The following PLXDC2 variants were observed in gnomAD, a reference collection of about 807,000 sequenced individuals.
PLXDC2 encodes plexin domain containing 2, also known as plexin domain-containing protein 2.
PLXDC2 carries 40 observed loss-of-function variants against 68.9 expected under a neutral mutation model. The ratio of observed to expected loss-of-function variants is 0.58; its 90% CI spans 0.45 to 0.76. PLXDC2 has a LOEUF of 0.76. Ranked by LOEUF, PLXDC2 falls within the 30% of genes least tolerant of loss-of-function variation. The pLI, the probability that PLXDC2 is intolerant of heterozygous loss-of-function variation, is 0.00. For synonymous variants in PLXDC2, 243 were observed against 234.2 expected, an observed-to-expected ratio of 1.04 and a Z score of -0.34; for missense variants, 644 against 661.9, an observed-to-expected ratio of 0.97 and a Z score of 0.30.
At chr10:20,233,828 T>G (rs529109702) in intron 12 of PLXDC2, among the ~76,000 whole-genome samples, 18 of 152,250 alleles carry the variant, frequency 1.2e-4, no homozygotes, top group African/African-American at 3.9e-4. Flanking sequence ...TTTATTTATT[T>G]TTTTTAGAGG....
chr10:20,132,365 G>T (rs973947937), intron 4 of PLXDC2, among the ~76,000 whole-genome samples: 1 of 152,008 alleles, frequency 6.6e-6, no homozygotes, highest in East Asian at 1.9e-4. Flanking sequence ...AATTCATTTG[G>T]TCTTCAGTCT....
At chr10:20,241,839 G>A (rs1251187896) in intron 12 of PLXDC2, among the ~76,000 whole-genome samples, 1 of 152,148 alleles carries the variant, frequency 6.6e-6, no homozygotes, top group African/African-American at 2.4e-5. Flanking sequence ...AACTTGGCAT[G>A]CTGTGTATAA....
intron 3 of PLXDC2, among the ~76,000 whole-genome samples, chr10:20,049,083 C>A (rs1298753456): frequency 6.6e-6 from 1 of 151,882 alleles, no homozygotes; most frequent in African/African-American, 2.4e-5. Context: ...TCTTGGTTAC[C>A]CATGAGTATT....
intron 12 of PLXDC2, among the ~76,000 whole-genome samples, chr10:20,233,402 C>T (rs926135263): frequency 6.6e-6 from 1 of 151,720 alleles, no homozygotes; most frequent in Non-Finnish European, 1.5e-5. Context: ...GGGTGCACAA[C>T]TTCCCATGTA....
At chr10:20,137,543 A>T (rs1023240084) in intron 4 of PLXDC2, among the ~76,000 whole-genome samples, 1 of 152,232 alleles carries the variant, frequency 6.6e-6, no homozygotes, top group Non-Finnish European at 1.5e-5. Context: ...GTATTACACT[A>T]AAAGTAGCAT....
At chr10:19,842,922 TA>T (rs1339390670) in intron 1 of PLXDC2, among the ~76,000 whole-genome samples, 2 of 152,176 alleles carry the variant, frequency 1.3e-5, no homozygotes, top group African/African-American at 4.8e-5. Flanking sequence ...CAGGAGTAAC[TA>T]AAAAAAGCAG....
chr10:20,023,435 T>G (rs1187821554), intron 2 of PLXDC2, among the ~76,000 whole-genome samples: 4 of 152,124 alleles, frequency 2.6e-5, no homozygotes, highest in Admixed American at 2.0e-4. Context: ...TGTTGGGAGG[T>G]GGGGCCTAAT....
intron 1 of PLXDC2, among the ~76,000 whole-genome samples, chr10:19,931,904 A>G (rs993941387): frequency 1.3e-4 from 19 of 151,992 alleles, no homozygotes; most frequent in African/African-American, 4.6e-4. Flanking sequence ...CAGGAAATAT[A>G]CTTAATGAAG....
chr10:20,253,941 C>T (rs1835710808), intron 13 of PLXDC2, among the ~76,000 whole-genome samples: 1 of 152,096 alleles, frequency 6.6e-6, no homozygotes, highest in Non-Finnish European at 1.5e-5. Flanking sequence ...GACCTCTGTT[C>T]CTGAAACCTG....
chr10:19,847,601 G>A (rs1837032183), intron 1 of PLXDC2, among the ~76,000 whole-genome samples: 1 of 152,150 alleles, frequency 6.6e-6, no homozygotes, highest in African/African-American at 2.4e-5. Flanking sequence ...AAGCCTCCGG[G>A]AAATTCCATA....
At chr10:20,082,396 T>C (rs1836584198) in intron 4 of PLXDC2, among the ~76,000 whole-genome samples, 1 of 152,050 alleles carries the variant, frequency 6.6e-6, no homozygotes, top group African/African-American at 2.4e-5. Context: ...TTTGCAACTT[T>C]CTGTACATGT....
At chr10:19,934,674 A>G (rs1304766487) in intron 1 of PLXDC2, among the ~76,000 whole-genome samples, 1 of 152,162 alleles carries the variant, frequency 6.6e-6, no homozygotes, top group Non-Finnish European at 1.5e-5. Flanking sequence ...CTTTTTCCAT[A>G]TTGTGGTATA....
At chr10:20,110,176 G>A (rs1833540521) in intron 4 of PLXDC2, among the ~76,000 whole-genome samples, 1 of 152,142 alleles carries the variant, frequency 6.6e-6, no homozygotes, top group African/African-American at 2.4e-5. Context: ...ATTTTTGGCA[G>A]GTGGTGTTAT....
chr10:19,990,484 TAAAG>T (rs891084067), intron 1 of PLXDC2, among the ~76,000 whole-genome samples: 28 of 125,468 alleles, frequency 2.2e-4, no homozygotes, highest in South Asian at 1.4e-3. Context: ...AATTCAAAAA[TAAAG>T]AAAAAGAGAA....
chr10:19,930,916 A>G (rs1447803150), intron 1 of PLXDC2, among the ~76,000 whole-genome samples: 2 of 152,138 alleles, frequency 1.3e-5, no homozygotes, highest in African/African-American at 4.8e-5. Context: ...GTGAACCAAG[A>G]TCACACCACT....
intron 1 of PLXDC2, among the ~76,000 whole-genome samples, chr10:19,834,437 G>A (rs1489720303): frequency 2.0e-5 from 3 of 152,262 alleles, no homozygotes; most frequent in East Asian, 3.9e-4. Context: ...GGGGCTGAGA[G>A]AAAACTGCTC....
intron 1 of PLXDC2, among the ~76,000 whole-genome samples, chr10:19,900,599 T>TTTTA (rs1170684927): frequency 6.6e-6 from 1 of 151,996 alleles, no homozygotes; most frequent in Admixed American, 6.6e-5. Flanking sequence ...CAGGTTTCTT[T>TTTTA]TTTATTTATT....
rs115622816 is a variant in PLXDC2, at chr10:19,944,042, C to T, written c.113-57733C>T. Among the ~76,000 whole-genome samples, 768 of 152,264 alleles carry T rather than the reference C, an allele frequency of 5.0e-3. 9 individuals carry two copies. The highest frequency in any genetic ancestry group is 0.016 in the African/African-American group (664 of 41,534). On this transcript the variant is annotated intron_variant, in intron 1 of 13. Transcript: ENST00000377252. Reference sequence around the variant, plus strand: ...CTTTCCCGTAGCGATGATGCAGAAACGGCCACAAATTTCATAACGATTTGA... The same window carrying T: ...CTTTCCCGTAGCGATGATGCAGAAATGGCCACAAATTTCATAACGATTTGA...
chr10:19,977,329 C>G (rs1177721016), intron 1 of PLXDC2, among the ~76,000 whole-genome samples: 1 of 152,300 alleles, frequency 6.6e-6, no homozygotes, highest in Middle Eastern at 3.4e-3. Flanking sequence ...CTGGCCTAAC[C>G]TCAAACTTAC....
Sources: allele counts gnomAD v4.1 joint callset (sites outside exome capture counted in the v4.1 genomes callset), GRCh38; gene constraint gnomAD v4.1.1; transcripts MANE v1.5; gene names NCBI Gene and HGNC (gene_info 2026-07-23, HGNC 2026-07-21).